MAML3: variants seen among roughly 807,000 people sequenced by gnomAD.
MAML3 encodes the protein mastermind-like protein 3.
In MAML3, 27 loss-of-function variants were observed where a neutral mutation model predicts 101.9. That is an observed-to-expected ratio of 0.27 (90% CI 0.20 to 0.37). The LOEUF (loss-of-function observed/expected upper bound fraction) is 0.37, where lower values mean the gene tolerates loss of function less well. Among genes scored for constraint, MAML3 ranks in the 10% least tolerant of loss-of-function variants. The pLI is 1.00. For missense variants in MAML3, 1,316 were observed against 1,444.9 expected (o/e 0.91, Z 1.45); for synonymous variants, 501 against 555.9 (o/e 0.90, Z 1.39).
intron 1 of MAML3, among the ~76,000 whole-genome samples, chr4:140,118,066 G>A (rs893202109): frequency 2.0e-5 from 3 of 151,610 alleles, no homozygotes; most frequent in Admixed American, 1.3e-4. Flanking sequence ...ACCCACAGCC[G>A]GCATTTCTTC....
At chr4:140,134,257 C>T (rs917090713) in intron 1 of MAML3, 2 of 456,586 alleles carry the variant, frequency 4.4e-6, no homozygotes, top group African/African-American at 4.0e-5. Context: ...AACTTTGACT[C>T]GTATAAACAC....
At chr4:140,062,571 A>G (rs570598289) in intron 1 of MAML3, among the ~76,000 whole-genome samples, 1 of 152,246 alleles carries the variant, frequency 6.6e-6, no homozygotes, top group African/African-American at 2.4e-5. Context: ...TTTTCCTACT[A>G]CTTGCTATTA....
At chr4:139,888,940 C>A (rs1560825538) in intron 2 of MAML3, among the ~76,000 whole-genome samples, 1 of 152,126 alleles carries the variant, frequency 6.6e-6, no homozygotes, top group African/African-American at 2.4e-5. Context: ...CTGCTCAGGG[C>A]CTTATAAAAC....
chr4:139,719,133 G>GA lies in MAML3; in HGVS notation c.*189dup. The GA allele has an allele frequency of 3.2e-6, 2 of 620,388 alleles. No individual in the cohort carries two copies. The highest frequency in any genetic ancestry group is 5.4e-6 in the Non-Finnish European group (2 of 372,802). The allele number at this position is 620,388 out of a possible 1,614,324, so 38.4% of individuals were successfully genotyped here. On this transcript the variant is annotated 3_prime_UTR_variant, in exon 5 of 5. Transcript: ENST00000509479. ...TGGCGTCTCATCTCGATTGCTGTGT[G>GA]AAAATCAGGTGAAATGAGGCCTGGT...
At chr4:139,883,065 C>T (rs2111189490) in intron 2 of MAML3, among the ~76,000 whole-genome samples, 1 of 152,226 alleles carries the variant, frequency 6.6e-6, no homozygotes, top group East Asian at 1.9e-4. Flanking sequence ...ACAGACGACG[C>T]AACACAGAAC....
At chr4:139,793,355 A>G (rs563717816) in intron 2 of MAML3, among the ~76,000 whole-genome samples, 5 of 152,300 alleles carry the variant, frequency 3.3e-5, no homozygotes, top group African/African-American at 1.2e-4. Flanking sequence ...ATAACATTCC[A>G]GAGTCCTCTT....
chr4:139,807,223 A>G (rs961494436), intron 2 of MAML3, among the ~76,000 whole-genome samples: 7 of 152,150 alleles, frequency 4.6e-5, no homozygotes, highest in Non-Finnish European at 8.8e-5. Context: ...AACTGACAAG[A>G]CTTGCCATTC....
intron 1 of MAML3, among the ~76,000 whole-genome samples, chr4:140,146,693 T>G (rs750673851): frequency 5.3e-5 from 8 of 152,120 alleles, no homozygotes; most frequent in Non-Finnish European, 1.2e-4. Context: ...ATCTGCAAAT[T>G]AACTTATTTG....
intron 1 of MAML3, among the ~76,000 whole-genome samples, chr4:139,982,906 A>G (rs1734472438): frequency 6.6e-6 from 1 of 152,160 alleles, no homozygotes; most frequent in African/African-American, 2.4e-5. Flanking sequence ...CACCCCCCTT[A>G]GGAAAAAACT....
intron 1 of MAML3, among the ~76,000 whole-genome samples, chr4:139,926,888 C>T (rs1000845785): frequency 1.4e-4 from 21 of 152,110 alleles, no homozygotes; most frequent in African/African-American, 3.1e-4. Flanking sequence ...AATCCTATTC[C>T]GGATGATCCC....
chr4:140,030,185 T>G (rs893276096), intron 1 of MAML3, among the ~76,000 whole-genome samples: 5 of 152,130 alleles, frequency 3.3e-5, no homozygotes, highest in African/African-American at 1.2e-4. Flanking sequence ...CCTCCTCCCC[T>G]CCCATTTTCA....
chr4:140,010,014 G>T (rs534539104), intron 1 of MAML3, among the ~76,000 whole-genome samples: 10 of 152,158 alleles, frequency 6.6e-5, no homozygotes, highest in African/African-American at 2.2e-4. Flanking sequence ...GTGGAAATAG[G>T]CATTGCTTTT....
chr4:140,046,588 C>A (rs1284432490), intron 1 of MAML3, among the ~76,000 whole-genome samples: 1 of 152,148 alleles, frequency 6.6e-6, no homozygotes, highest in African/African-American at 2.4e-5. Flanking sequence ...TTCTGGTCTT[C>A]GTTACGTAAC....
rs544533128 is a variant in MAML3, at chr4:140,127,851, C to T, written c.468+25009G>A. Among the ~76,000 whole-genome samples, 13 of 152,318 alleles carry T rather than the reference C, an allele frequency of 8.5e-5. No individual in the cohort carries two copies. The South Asian group carries it at 1.5e-3, about 17-fold the overall frequency. On this transcript the variant is annotated intron_variant, in intron 1 of 4. Transcript: ENST00000509479. ...AGCACAGAGATTTAACCTCCTGGAC[C>T]TTATTCACCAGAACGCAAGCCAAAC...
In MAML3 at chr4:139,737,565, T is replaced by TA. The variant is rs1560776756; in HGVS notation, c.2080-6899dup. The stretch of plus-strand genomic sequence containing the variant: ...GCACCAAAATATGCATCATTTTTTT[T>TA]AATATGTTGTCTGGTACCCAAAATT... On this transcript the variant is annotated intron_variant, in intron 2 of 4. Coordinates refer to ENST00000509479, the MANE Select transcript of MAML3 (RefSeq NM_018717.5). Among the ~76,000 whole-genome samples, 5 of 152,110 alleles carry TA rather than the reference T, an allele frequency of 3.3e-5. No individual in the cohort carries two copies. The South Asian group carries it at 8.3e-4, about 25-fold the overall frequency.
intron 1 of MAML3, among the ~76,000 whole-genome samples, chr4:139,992,797 T>C (rs1161609979): frequency 6.6e-6 from 1 of 152,088 alleles, no homozygotes; most frequent in Non-Finnish European, 1.5e-5. Flanking sequence ...GACCTTGTGA[T>C]CTCCCCACCT....
At position 139,720,139 on chromosome 4, in the gene MAML3, G is replaced by A; in HGVS notation, c.2601C>T (p.Ser867=). ...GLAPYSTTPT[S]QPGMYNMSTG... The stretch of plus-strand genomic sequence containing the variant: ...TGCTCATATTGTACATTCCTGGTTG[G>A]CTGGTAGGCGTGGTGCTATAAGGGG... The change falls in exon 5 of 5, where the codon AGC becomes AGT. Residue 867 remains serine (S), a synonymous_variant. Transcript: ENST00000509479. 2 of 1,614,080 alleles carry A rather than the reference G, an allele frequency of 1.2e-6. No individual in the cohort carries two copies. Among genetic ancestry groups the A allele is most frequent in the South Asian group, 1.1e-5 (1 of 91,086 alleles).
chr4:139,747,264 C>T (rs539287609), intron 2 of MAML3, among the ~76,000 whole-genome samples: 2 of 152,246 alleles, frequency 1.3e-5, no homozygotes, highest in East Asian at 1.9e-4. Context: ...GAGTTTGTGG[C>T]GCCGGTGGGA....
intron 1 of MAML3, among the ~76,000 whole-genome samples, chr4:140,054,050 G>C (rs1727312232): frequency 6.6e-6 from 1 of 152,044 alleles, no homozygotes; most frequent in Non-Finnish European, 1.5e-5. Flanking sequence ...TTTTATTATA[G>C]ACATATATTA....
Sources: gnomAD v4.1 joint callset for allele counts (sites outside exome capture counted in the v4.1 genomes callset) on GRCh38, gnomAD v4.1.1 for gene constraint, MANE v1.5 for transcripts, NCBI Gene and HGNC (gene_info 2026-07-23, HGNC 2026-07-21) for gene names.